PRKACG: variants seen among roughly 807,000 people sequenced by gnomAD.
PRKACG encodes cAMP-dependent protein kinase catalytic subunit gamma.
A neutral mutation model predicts 25.6 loss-of-function variants in PRKACG; 24 were observed. The ratio of observed to expected loss-of-function variants is 0.94; its 90% CI spans 0.68 to 1.32. The LOEUF (loss-of-function observed/expected upper bound fraction) is 1.32, where lower values mean the gene tolerates loss of function less well. Ranked by LOEUF, PRKACG falls within the 40% of genes most tolerant of loss-of-function variation. The probability of loss-of-function intolerance (pLI) is 0.00; values close to 1 mark genes in which losing one functional copy is unlikely to be tolerated. For missense variants in PRKACG, 481 were observed against 462.9 expected (o/e 1.04, Z -0.36); for synonymous variants, 202 against 195.9 (o/e 1.03, Z -0.26).
At position 69,013,068 on chromosome 9, in the gene PRKACG, T is replaced by G. The variant is rs757967536; in HGVS notation, c.1025A>C (p.Glu342Ala). ...CTCAGAAAACTCCTTGGCACACTTC[T>G]CATTGATGGAGATCCGGAGCTCTTC... ...EEEELRISIN[E>A]KCAKEFSEF Residue 342 changes from glutamate to alanine, a missense_variant, in exon 1 of 1, where the codon GAG becomes GCG. Coordinates refer to ENST00000377276, the MANE Select transcript of PRKACG (RefSeq NM_002732.4). 2 of 1,614,158 alleles carry G rather than the reference T, an allele frequency of 1.2e-6. No individual in the cohort carries two copies. Among genetic ancestry groups the G allele is most frequent in the South Asian group, 2.2e-5 (2 of 91,072 alleles).
chr9:69,013,323 C>G lies in PRKACG; in HGVS notation c.770G>C (p.Arg257Pro). 1 of 1,614,088 alleles carries G rather than the reference C, an allele frequency of 6.2e-7. No homozygotes were observed. Residue 257 changes from arginine to proline, a missense_variant, in exon 1 of 1, where the codon CGG becomes CCG. Physicochemically the swap from Arg to Pro is moderately radical, Grantham distance 103. Coordinates refer to ENST00000377276, the MANE Select transcript of PRKACG (RefSeq NM_002732.4). ...GTCAGAGCTGAGTTTGGAGGGAAAC[C>G]GCACCCTCCCAGAGACGATCTTCTC... Reference protein sequence around the residue: ...IYEKIVSGRVRFPSKLSSDLK... With the variant: ...IYEKIVSGRVPFPSKLSSDLK...
Position 69,013,369 on chromosome 9 carries a change from C to A in PRKACG, c.724G>T (p.Asp242Tyr), listed in dbSNP as rs867924490. 2 of 1,613,714 alleles carry A rather than the reference C, an allele frequency of 1.2e-6. No homozygotes were observed. The highest frequency in any genetic ancestry group is 2.7e-5 in the African/African-American group (2 of 74,888). ...MAVGFPPFYA[D>Y]QPIQIYEKIV... ...TTCTCGTAGATCTGGATGGGCTGGT[C>A]GGCGTAGAAGGGTGGGAAGCCCACG... Residue 242 changes from aspartate to tyrosine, a missense_variant, in exon 1 of 1, where the codon GAC becomes TAC. Coordinates refer to ENST00000377276, the MANE Select transcript of PRKACG (RefSeq NM_002732.4).
rs1261362392 is a variant in PRKACG at position 69,013,879 on chromosome 9, T to C, written c.214A>G (p.Met72Val). 3 of 1,613,646 alleles carry C rather than the reference T, an allele frequency of 1.9e-6. No homozygotes were observed. Among genetic ancestry groups the C allele is most frequent in the Non-Finnish European group, 2.5e-6 (3 of 1,179,958 alleles). Residue 72 changes from methionine to valine, a missense_variant, in exon 1 of 1, where the codon ATG becomes GTG. Physicochemically the swap from Met to Val is conservative, Grantham distance 21. Transcript: ENST00000377276. ...ACCTTCTGCTTGTTGAGGATCTTCA[T>C]GGCGTAGTGGCCGCCGGTCTCCTGG... ...RHQETGGHYA[M>V]KILNKQKVVK...
In PRKACG at chr9:69,013,105, C is replaced by G. The variant is rs1564319156; in HGVS notation, c.988G>C (p.Asp330His). ...TGPGDASNFDDYEEEELRISI... is the reference protein window; with the variant it reads ...TGPGDASNFDHYEEEELRISI... ...ATCCGGAGCTCTTCCTCCTCGTAGT[C>G]GTCAAAGTTACTGGCATCCCCAGGG... is the stretch of plus-strand genomic sequence containing the variant. The change falls in exon 1 of 1, where the codon GAC (aspartate) becomes CAC (histidine). Residue 330 changes from aspartate to histidine, a missense_variant. By Grantham distance (81) the Asp-to-His change is moderately conservative (BLOSUM62 -1). Transcript: ENST00000377276. The G allele has an allele frequency of 1.9e-6, 3 of 1,614,178 alleles. No homozygotes were observed. Among genetic ancestry groups the G allele is most frequent in the Non-Finnish European group, 2.5e-6 (3 of 1,180,036 alleles).
In PRKACG at chr9:69,013,556, G is replaced by T. The variant is rs1183321078; in HGVS notation, c.537C>A (p.Gly179=). 7 of 1,613,710 alleles carry T rather than the reference G, an allele frequency of 4.3e-6. No individual in the cohort carries two copies. Among genetic ancestry groups the T allele is most frequent in the Non-Finnish European group, 5.1e-6 (6 of 1,179,884 alleles). Residue 179 remains glycine (G), a synonymous_variant, in exon 1 of 1, where the codon GGC becomes GGA. Coordinates refer to ENST00000377276, the MANE Select transcript of PRKACG (RefSeq NM_002732.4). ...AACCGAAGTCCGTCACCTGCAGGTA[G>T]CCCTGCTGGTCGATGAGGAGATTCT... ...KPENLLIDQQ[G]YLQVTDFGFA...
chr9:69,013,078 A>G lies in PRKACG; in HGVS notation c.1015T>C (p.Ser339Pro), dbSNP rs746674987. 6.2e-7 allele frequency: 1 copy of G among 1,614,190 alleles called. No individual in the cohort carries two copies. The highest frequency in any genetic ancestry group is 8.5e-7 in the Non-Finnish European group (1 of 1,180,040). Residue 339 changes from serine (S) to proline (P), a missense_variant, in exon 1 of 1, where the codon TCC becomes CCC. Ser to Pro is a moderately conservative substitution (Grantham distance 74). Transcript: ENST00000377276. ...DDYEEEELRI[S>P]INEKCAKEFS... is the part of the protein sequence containing the mutation. ...TCCTTGGCACACTTCTCATTGATGG[A>G]GATCCGGAGCTCTTCCTCCTCGTAG...
At position 69,012,752 on chromosome 9, in the gene PRKACG, G is replaced by A; in HGVS notation, c.*285C>T. On this transcript the variant is annotated 3_prime_UTR_variant, in exon 1 of 1. Coordinates refer to ENST00000377276, the MANE Select transcript of PRKACG (RefSeq NM_002732.4). Reference sequence around the variant, plus strand: ...TGGCCTGAATAGAGCTGAGAAACTCGTTTAAAACAGGCAGAAGGGGGCTGG... The same window carrying A: ...TGGCCTGAATAGAGCTGAGAAACTCATTTAAAACAGGCAGAAGGGGGCTGG... The A allele has an allele frequency of 2.5e-6, 1 of 407,200 alleles. No homozygotes were observed. The highest frequency in any genetic ancestry group is 4.5e-6 in the Non-Finnish European group (1 of 224,452). The allele number at this position is 407,200 out of a possible 1,614,324, so 25.2% of individuals were successfully genotyped here. A position where few individuals can be genotyped will look rare whatever the true frequency, so the allele number is the denominator to read the frequency against.
chr9:69,013,333 C>T lies in PRKACG; in HGVS notation c.760G>A (p.Gly254Arg). ...PIQIYEKIVS[G>R]RVRFPSKLSS... The stretch of plus-strand genomic sequence containing the variant: ...AGTTTGGAGGGAAACCGCACCCTCC[C>T]AGAGACGATCTTCTCGTAGATCTGG... Residue 254 changes from glycine to arginine, a missense_variant, in exon 1 of 1, where the codon GGG (glycine) becomes AGG (arginine). Transcript: ENST00000377276. The T allele has an allele frequency of 1.2e-6, 2 of 1,614,106 alleles. No homozygotes were observed. Among genetic ancestry groups the T allele is most frequent in the East Asian group, 2.2e-5 (1 of 44,864 alleles).
In PRKACG at chr9:69,012,982, C is replaced by T. The variant is rs1050887797; in HGVS notation, c.*55G>A. The T allele has an allele frequency of 6.7e-5, 104 of 1,554,968 alleles. No individual in the cohort carries two copies. The highest frequency in any genetic ancestry group is 8.7e-5 in the Non-Finnish European group (100 of 1,153,136). ...GCTGTTCAATCCAACCCTCCCATCC[C>T]CCAAACCACCAAAAACAAAAAGGAA... On this transcript the variant is annotated 3_prime_UTR_variant, in exon 1 of 1. Coordinates refer to ENST00000377276, the MANE Select transcript of PRKACG (RefSeq NM_002732.4).
Position 69,013,933 on chromosome 9 carries a change from A to G in PRKACG, c.160T>C (p.Ser54Pro), listed in dbSNP as rs745537017. 1 of 1,613,792 alleles carries G rather than the reference A, an allele frequency of 6.2e-7. No homozygotes were observed. The highest frequency in any genetic ancestry group is 8.5e-7 in the Non-Finnish European group (1 of 1,179,966). The change falls in exon 1 of 1, where the codon TCC becomes CCC. Residue 54 changes from serine (S) to proline (P), a missense_variant. Coordinates refer to ENST00000377276, the MANE Select transcript of PRKACG (RefSeq NM_002732.4). ...CTCACCAGCATCACCCGCCCGAAGG[A>G]GCCCATGCCCAGCGTCCTGAGCCGT... ...FERLRTLGMGSFGRVMLVRHQ... is the reference protein window; with the variant it reads ...FERLRTLGMGPFGRVMLVRHQ...
chr9:69,013,210 G>C lies in PRKACG; in HGVS notation c.883C>G (p.His295Asp). Reference protein sequence around the residue: ...LRNGVGDIKNHKWFATTSWIA... With the variant: ...LRNGVGDIKNDKWFATTSWIA... ...CAGCTGGTTGTGGCGAACCACTTGT[G>C]GTTCTTGATGTCGCCAACCCCGTTC... Residue 295 changes from histidine (H) to aspartate (D), a missense_variant, in exon 1 of 1, where the codon CAC (histidine) becomes GAC (aspartate). By Grantham distance (81) the His-to-Asp change is moderately conservative. Transcript: ENST00000377276. 6.2e-7 allele frequency: 1 copy of C among 1,614,158 alleles called. No homozygotes were observed. The highest frequency in any genetic ancestry group is 8.5e-7 in the Non-Finnish European group (1 of 1,180,038).
At position 69,012,947 on chromosome 9, in the gene PRKACG, G is replaced by C; in HGVS notation, c.*90C>G. Reference sequence around the variant, plus strand: ...ATGAAATTAGATACAAGGAACTCTGGGGCCCTCTGGCTGTTCAATCCAACC... The same window carrying C: ...ATGAAATTAGATACAAGGAACTCTGCGGCCCTCTGGCTGTTCAATCCAACC... On this transcript the variant is annotated 3_prime_UTR_variant, in exon 1 of 1. Transcript: ENST00000377276. 1 of 1,306,096 alleles carries C rather than the reference G, an allele frequency of 7.7e-7. No homozygotes were observed. Among genetic ancestry groups the C allele is most frequent in the Non-Finnish European group, 1.0e-6 (1 of 954,640 alleles). 80.9% of individuals were successfully genotyped at this position (1,306,096 alleles called of 1,614,324 possible).
At position 69,013,436 on chromosome 9, in the gene PRKACG, G is replaced by C; in HGVS notation, c.657C>G (p.Ala219=). The change falls in exon 1 of 1, where the codon GCC becomes GCG. Residue 219 remains alanine, a synonymous_variant. Transcript: ENST00000377276. The part of the protein sequence containing the change: ...EIILSKGYNK[A]VDWWALGVLI... The stretch of plus-strand genomic sequence containing the variant: ...GCACCCCTAGGGCCCACCAGTCCAC[G>C]GCCTTGTTGTAGCCTTTGCTCAGGA... The C allele has an allele frequency of 6.2e-7, 1 of 1,613,714 alleles. No individual in the cohort carries two copies. Among genetic ancestry groups the C allele is most frequent in the Non-Finnish European group, 8.5e-7 (1 of 1,180,004 alleles).
In PRKACG at chr9:69,013,211, G is replaced by T. The variant is rs555917589; in HGVS notation, c.882C>A (p.Asn294Lys). 3 of 1,614,020 alleles carry T rather than the reference G, an allele frequency of 1.9e-6. No individual in the cohort carries two copies. The highest frequency in any genetic ancestry group is 2.5e-6 in the Non-Finnish European group (3 of 1,180,032). The change falls in exon 1 of 1, where the codon AAC (asparagine) becomes AAA (lysine). Residue 294 changes from asparagine (N) to lysine (K), a missense_variant. Physicochemically the swap from Asn to Lys is moderately conservative, Grantham distance 94. Transcript: ENST00000377276. ...AGCTGGTTGTGGCGAACCACTTGTG[G>T]TTCTTGATGTCGCCAACCCCGTTCC... ...NLRNGVGDIK[N>K]HKWFATTSWI...
Position 69,014,112 on chromosome 9 carries a change from G to A in PRKACG, c.-20C>T. The stretch of plus-strand genomic sequence containing the variant: ...GCCCATGGCGGTGGCGGCGGCAGGG[G>A]CGGGGGTCTCGCGGCGGCGGCGGCG... On this transcript the variant is annotated 5_prime_UTR_variant, in exon 1 of 1. Coordinates refer to ENST00000377276, the MANE Select transcript of PRKACG (RefSeq NM_002732.4). 8.0e-7 allele frequency: 1 copy of A among 1,249,726 alleles called. No homozygotes were observed. Among genetic ancestry groups the A allele is most frequent in the Non-Finnish European group, 1.0e-6 (1 of 961,416 alleles). 77.4% of individuals were successfully genotyped at this position (1,249,726 alleles called of 1,614,324 possible). A position where few individuals can be genotyped will look rare whatever the true frequency, so the allele number is the denominator to read the frequency against.
Position 69,013,881 on chromosome 9 carries a change from G to A in PRKACG, c.212C>T (p.Ala71Val). 1 of 1,613,780 alleles carries A rather than the reference G, an allele frequency of 6.2e-7. No homozygotes were observed. Among genetic ancestry groups the A allele is most frequent in the South Asian group, 1.1e-5 (1 of 91,066 alleles). Residue 71 changes from alanine (A) to valine (V), a missense_variant, in exon 1 of 1, where the codon GCC becomes GTC. Coordinates refer to ENST00000377276, the MANE Select transcript of PRKACG (RefSeq NM_002732.4). The stretch of plus-strand genomic sequence containing the variant: ...CTTCTGCTTGTTGAGGATCTTCATG[G>A]CGTAGTGGCCGCCGGTCTCCTGGTG... ...VRHQETGGHYAMKILNKQKVV... is the reference protein window; with the variant it reads ...VRHQETGGHYVMKILNKQKVV...
In PRKACG at chr9:69,012,843, G is replaced by A. The variant is rs958217910; in HGVS notation, c.*194C>T. The A allele has an allele frequency of 3.3e-6, 2 of 598,102 alleles. No individual in the cohort carries two copies. The highest frequency in any genetic ancestry group is 5.9e-6 in the Non-Finnish European group (2 of 341,768). 37.0% of individuals were successfully genotyped at this position (598,102 alleles called of 1,614,324 possible). On this transcript the variant is annotated 3_prime_UTR_variant, in exon 1 of 1. Coordinates refer to ENST00000377276, the MANE Select transcript of PRKACG (RefSeq NM_002732.4). Reference sequence around the variant, plus strand: ...GAGGGACCAGGAAGGCATGGGGGGGGGTGAGGGAGCAGCTGGTGTTTCTGT... The same window carrying A: ...GAGGGACCAGGAAGGCATGGGGGGGAGTGAGGGAGCAGCTGGTGTTTCTGT...
Position 69,012,940 on chromosome 9 carries a change from A to T in PRKACG, c.*97T>A, listed in dbSNP as rs1041787022. 2 of 1,233,838 alleles carry T rather than the reference A, an allele frequency of 1.6e-6. No homozygotes were observed. The highest frequency in any genetic ancestry group is 1.5e-5 in the South Asian group (1 of 67,036). The allele number at this position is 1,233,838 out of a possible 1,614,324, so 76.4% of individuals were successfully genotyped here. ...GGTGAGGATGAAATTAGATACAAGGAACTCTGGGGCCCTCTGGCTGTTCAA... is the reference window on the plus strand; with the variant it reads ...GGTGAGGATGAAATTAGATACAAGGTACTCTGGGGCCCTCTGGCTGTTCAA... On this transcript the variant is annotated 3_prime_UTR_variant, in exon 1 of 1. Coordinates refer to ENST00000377276, the MANE Select transcript of PRKACG (RefSeq NM_002732.4).
chr9:69,013,412 C>A lies in PRKACG; in HGVS notation c.681G>T (p.Val227=). 6.2e-7 allele frequency: 1 copy of A among 1,613,606 alleles called. No homozygotes were observed. The highest frequency in any genetic ancestry group is 1.1e-5 in the South Asian group (1 of 91,056). ...NKAVDWWALG[V]LIYEMAVGFP... is the part of the protein sequence containing the mutation. ...AGCCCACGGCCATCTCATAGATGAG[C>A]ACCCCTAGGGCCCACCAGTCCACGG... Residue 227 remains valine, a synonymous_variant, in exon 1 of 1, where the codon GTG becomes GTT. Transcript: ENST00000377276.
Sources: allele counts gnomAD v4.1 joint callset, GRCh38; gene constraint gnomAD v4.1.1; transcripts MANE v1.5; gene names NCBI Gene and HGNC (gene_info 2026-07-23, HGNC 2026-07-21).